APOB: variants seen among roughly 807,000 people sequenced by gnomAD.
APOB encodes apolipoprotein B-100.
In APOB, 153 loss-of-function variants were observed where a neutral mutation model predicts 314.1. That is an observed-to-expected ratio of 0.49 (90% CI 0.43 to 0.56). The LOEUF (loss-of-function observed/expected upper bound fraction) is 0.56. APOB is among the 20% of genes least tolerant of loss of function. The pLI is 0.00. For synonymous variants in APOB, 2,087 were observed against 2,036.4 expected, an observed-to-expected ratio of 1.02 and a Z score of -0.67; for missense variants, 5,430 against 5,350.7, an observed-to-expected ratio of 1.01 and a Z score of -0.46.
intron 4 of APOB, 72 bp downstream of exon 4, chr2:21,040,866 T>A: frequency 1.3e-6 from 2 of 1,550,308 alleles, no homozygotes; most frequent in Admixed American, 3.3e-5. Context: ...CATCCGTGCC[T>A]GGTGCAAACA....
In APOB at chr2:21,001,820, G is replaced by A. The variant is rs1662982866; in HGVS notation, c.13602C>T (p.Tyr4534=). The stretch of plus-strand genomic sequence containing the variant: ...GCAGCTTTTTCAGTAACTCCGTGAT[G>A]TATATCAGAAATGTGTGGTAGTTTT... The part of the protein sequence containing the change: ...SIQNYHTFLI[Y]ITELLKKLQS... The change falls in exon 29 of 29, where the codon TAC becomes TAT. Residue 4534 remains tyrosine (Y), a synonymous_variant. Coordinates refer to ENST00000233242, the MANE Select transcript of APOB (RefSeq NM_000384.3). 1 of 1,614,062 alleles carries A rather than the reference G, an allele frequency of 6.2e-7. No individual in the cohort carries two copies. Among genetic ancestry groups the A allele is most frequent in the East Asian group, 2.2e-5 (1 of 44,868 alleles).
In APOB at chr2:21,029,627, T is replaced by C; in HGVS notation, c.1617+12A>G. On this transcript the variant is annotated intron_variant, in intron 12 of 28. Transcript: ENST00000233242. ...AAACTTTCACTTTCAGACCTCTTCT[T>C]GTGGACTTTACCTTGTCTTTAGGCT... 1 of 1,614,132 alleles carries C rather than the reference T, an allele frequency of 6.2e-7. No individual in the cohort carries two copies. Among genetic ancestry groups the C allele is most frequent in the African/African-American group, 1.3e-5 (1 of 75,062 alleles).
In APOB at chr2:21,007,147, C is replaced by A; in HGVS notation, c.9721G>T (p.Glu3241Ter). The A allele has an allele frequency of 6.2e-7, 1 of 1,613,884 alleles. No individual in the cohort carries two copies. The highest frequency in any genetic ancestry group is 8.5e-7 in the Non-Finnish European group (1 of 1,179,930). Residue 3241 changes from glutamate to a stop codon, truncating the protein, a stop_gained, in exon 26 of 29, where the codon GAG becomes TAG. Transcript: ENST00000233242. LOFTEE classifies it high-confidence loss of function. ...GGAATTTGAAAGGTCCTGGGGAGCT[C>A]GTCGTGAGATTTTTCAGCTTTGTAC... ...DKYKAEKSHDELPRTFQIPGY... is the reference protein window; with the variant it reads ...DKYKAEKSHD
chr2:21,037,309 G>T, intron 5 of APOB, 54 bp from the exon 6 acceptor site: 13 of 1,513,800 alleles, frequency 8.6e-6, no homozygotes, highest in East Asian at 2.3e-5. Context: ...ACATCCTTGG[G>T]TACTTGGGAG....
intron 16 of APOB, chr2:21,024,658 G>A: frequency 1.7e-6 from 1 of 575,770 alleles, no homozygotes; most frequent in Non-Finnish European, 3.1e-6. Context: ...CTTCAGCAAA[G>A]GTAGAGGAAG....
rs763559077 is a variant in APOB, at chr2:21,025,034, T to C, written c.2335A>G (p.Ile779Val). The C allele has an allele frequency of 1.9e-5, 31 of 1,614,122 alleles. No individual in the cohort carries two copies. Among genetic ancestry groups the C allele is most frequent in the Non-Finnish European group, 2.5e-5 (29 of 1,180,052 alleles). The change falls in exon 16 of 29, where the codon ATC becomes GTC. Residue 779 changes from isoleucine (I) to valine (V), a missense_variant. Around this residue, in one of 3 missense-constraint regions of APOB, gnomAD observed 2,085 missense variants for 2,079.7 expected, o/e 1.00. Transcript: ENST00000233242. The stretch of plus-strand genomic sequence containing the variant: ...GCAAAACCAAGCTCCTCTCCCAAGA[T>C]GCGGAGGTAGGCTCTGGCTTCCGGG... ...EVPEARAYLR[I>V]LGEELGFASL... is the part of the protein sequence containing the mutation.
chr2:21,020,430 C>T (rs541939827), intron 18 of APOB, among the ~76,000 whole-genome samples: 4 of 152,310 alleles, frequency 2.6e-5, no homozygotes, highest in East Asian at 1.9e-4. Context: ...GTCTCTACTT[C>T]CTCCCAATGT....
rs778475085 is a variant in APOB, at chr2:21,004,707, T to C, written c.11789-32A>G. The stretch of plus-strand genomic sequence containing the variant: ...AGGAGAGATTTTGTATTTTATTAGA[T>C]TCATAACAGTAGGACGTTGATGTTT... On this transcript the variant is annotated intron_variant, in intron 26 of 28. Coordinates refer to ENST00000233242, the MANE Select transcript of APOB (RefSeq NM_000384.3). The C allele has an allele frequency of 2.7e-6, 4 of 1,479,744 alleles. No individual in the cohort carries two copies. The South Asian group carries it at 4.5e-5, about 17-fold the overall frequency. 91.7% of individuals were successfully genotyped at this position (1,479,744 alleles called of 1,614,324 possible). A position where few individuals can be genotyped will look rare whatever the true frequency, so the allele number is the denominator to read the frequency against.
At chr2:21,026,178 A>G (rs923131791) in intron 15 of APOB, among the ~76,000 whole-genome samples, 6 of 152,132 alleles carry the variant, frequency 3.9e-5, no homozygotes, top group Non-Finnish European at 8.8e-5. Flanking sequence ...TACACATAAT[A>G]TCAACCAACT....
rs1168594259 is a variant in APOB, at chr2:21,032,427, G to A, written c.1279C>T (p.Arg427Ter). The A allele has an allele frequency of 3.1e-6, 5 of 1,614,070 alleles. No homozygotes were observed. Among genetic ancestry groups the A allele is most frequent in the Non-Finnish European group, 3.4e-6 (4 of 1,180,018 alleles). ...LIPEPSAQQL[R>*]EIFNMARDQR... ...TCCCTCGCCATGTTGAAGATCTCTC[G>A]CAGCTGCTGTGCTGAGGGCTCGGGG... Residue 427 changes from arginine to a stop codon, truncating the protein, a stop_gained, in exon 10 of 29, where the codon CGA becomes TGA. Transcript: ENST00000233242. LOFTEE classifies it high-confidence loss of function.
Position 21,039,503 on chromosome 2 carries a change from G to T in APOB, c.384-1392C>A, listed in dbSNP as rs12720794. 6.8e-3 allele frequency among the ~76,000 whole-genome samples: 1,039 copies of T among 152,252 alleles called. 12 individuals are homozygous for T. Among genetic ancestry groups the T allele is most frequent in the African/African-American group, 0.024 (991 of 41,552 alleles). The stretch of plus-strand genomic sequence containing the variant: ...CACTCTGGTTACATCAGGAGGAAAA[G>T]GTGACGGACTTATCTCCCACAGCCT... On this transcript the variant is annotated intron_variant, in intron 4 of 28. Transcript: ENST00000233242.
rs752203499 is a variant in APOB at position 21,010,878 on chromosome 2, T to C, written c.5990A>G (p.Asp1997Gly). 4.3e-6 allele frequency: 7 copies of C among 1,614,030 alleles called. No individual in the cohort carries two copies. In the African/African-American group the frequency reaches 9.3e-5, roughly 22 times the overall value. ...AATTTTATCTTTAGTGTTGTAAGCA[T>C]CCAAGTCCTGGCTGTATTCATTGTT... ...FNNNEYSQDL[D>G]AYNTKDKIGV... Residue 1997 changes from aspartate (D) to glycine (G), a missense_variant, in exon 26 of 29, where the codon GAT becomes GGT. By Grantham distance (94) the Asp-to-Gly change is moderately conservative. Around this residue, in one of 3 missense-constraint regions of APOB, gnomAD observed 3,281 missense variants for 3,171.0 expected, o/e 1.03. Transcript: ENST00000233242.
chr2:21,010,549 A>G lies in APOB; in HGVS notation c.6319T>C (p.Phe2107Leu). The G allele has an allele frequency of 6.2e-7, 1 of 1,610,002 alleles. No homozygotes were observed. Among genetic ancestry groups the G allele is most frequent in the East Asian group, 2.2e-5 (1 of 44,786 alleles). ...RNLKHINIDQFVRKYRAALGK... is the reference protein window; with the variant it reads ...RNLKHINIDQLVRKYRAALGK... Reference sequence around the variant, plus strand: ...AGGGCTGCTCTGTATTTTCTTACAAATTGATCAATATTGATGTGCTTCAGG... The same window carrying G: ...AGGGCTGCTCTGTATTTTCTTACAAGTTGATCAATATTGATGTGCTTCAGG... The change falls in exon 26 of 29, where the codon TTT (phenylalanine) becomes CTT (leucine). Residue 2107 changes from phenylalanine to leucine, a missense_variant. This residue lies in a region of APOB where 3,281 missense variants were observed against 3,171.0 expected (regional missense o/e 1.03). Transcript: ENST00000233242.
intron 21 of APOB, among the ~76,000 whole-genome samples, chr2:21,015,756 T>C (rs1216018402): frequency 6.6e-6 from 1 of 152,188 alleles, no homozygotes; most frequent in Non-Finnish European, 1.5e-5. Flanking sequence ...AGAAGTTTTT[T>C]GAAAACTGTT....
intron 18 of APOB, among the ~76,000 whole-genome samples, chr2:21,020,843 C>G (rs1663588526): frequency 6.6e-6 from 1 of 152,346 alleles, no homozygotes; most frequent in Non-Finnish European, 1.5e-5. Flanking sequence ...TGTGGCTGCT[C>G]TTTGGCTTCT....
rs1393599234 is a variant in APOB, at chr2:21,003,199, G to T, written c.12223C>A (p.Pro4075Thr). Residue 4075 changes from proline to threonine, a missense_variant, in exon 29 of 29, where the codon CCC becomes ACC. Coordinates refer to ENST00000233242, the MANE Select transcript of APOB (RefSeq NM_000384.3). ...GLLTSLKDNVPKATGVLYDYV... is the reference protein window; with the variant it reads ...GLLTSLKDNVTKATGVLYDYV... ...TCATAAAGGACCCCTGTGGCCTTGG[G>T]CACGTTGTCTTTCAGAGAGGTTAGC... The T allele has an allele frequency of 1.2e-6, 2 of 1,613,852 alleles. No homozygotes were observed. Among genetic ancestry groups the T allele is most frequent in the African/African-American group, 2.7e-5 (2 of 74,872 alleles).
chr2:21,025,275 C>A, intron 15 of APOB, 151 bp from the exon 16 acceptor site: 4 of 749,878 alleles, frequency 5.3e-6, no homozygotes, highest in Non-Finnish European at 9.3e-6. Context: ...AGGCTAATTC[C>A]TCTAAGCAGA....
chr2:21,009,888 T>C lies in APOB; in HGVS notation c.6980A>G (p.Asp2327Gly). The change falls in exon 26 of 29, where the codon GAT becomes GGT. Residue 2327 changes from aspartate (D) to glycine (G), a missense_variant. Around this residue, in one of 3 missense-constraint regions of APOB, gnomAD observed 3,281 missense variants for 3,171.0 expected, o/e 1.03. Transcript: ENST00000233242. ...VKHFVINLIGDFEVAEKINAF... is the reference protein window; with the variant it reads ...VKHFVINLIGGFEVAEKINAF... ...ATTGATTTTCTCAGCTACTTCAAAATCCCCAATAAGATTTATAACAAAGTG... is the reference window on the plus strand; with the variant it reads ...ATTGATTTTCTCAGCTACTTCAAAACCCCCAATAAGATTTATAACAAAGTG... 6.2e-7 allele frequency: 1 copy of C among 1,613,978 alleles called. No individual in the cohort carries two copies. The highest frequency in any genetic ancestry group is 8.5e-7 in the Non-Finnish European group (1 of 1,179,930).
chr2:21,043,877 C>A lies in APOB; in HGVS notation c.69G>T (p.Ala23=), dbSNP rs1476195819. The change falls in exon 1 of 29, where the codon GCG becomes GCT. Residue 23 remains alanine, a synonymous_variant. Transcript: ENST00000233242. The part of the protein sequence containing the change: ...ALPALLLLLL[A]GARAEEEMLE... The stretch of plus-strand genomic sequence containing the variant: ...CCGCGCACTCACCGGCCCTGGCGCC[C>A]GCCAGCAGCAGCAGCAGCAGCGCAG... The A allele has an allele frequency of 6.7e-7, 1 of 1,491,918 alleles. No homozygotes were observed. The highest frequency in any genetic ancestry group is 1.3e-5 in the South Asian group (1 of 79,802). 92.4% of individuals were successfully genotyped at this position (1,491,918 alleles called of 1,614,324 possible).
Sources: allele counts gnomAD v4.1 joint callset (sites outside exome capture counted in the v4.1 genomes callset), GRCh38; gene constraint gnomAD v4.1.1; regional missense constraint gnomAD v4.1.1; transcripts MANE v1.5; gene names NCBI Gene and HGNC (gene_info 2026-07-23, HGNC 2026-07-21).